Variants in ADGRV1 observed in about 807,000 individuals in gnomAD.
ADGRV1 encodes adhesion G protein-coupled receptor V1.
A neutral mutation model predicts 596.2 loss-of-function variants in ADGRV1; 359 were observed. The ratio of observed to expected loss-of-function variants is 0.60; its 90% CI spans 0.55 to 0.66. The LOEUF (loss-of-function observed/expected upper bound fraction) is 0.66, where lower values mean the gene tolerates loss of function less well. Among genes scored for constraint, ADGRV1 ranks in the 30% least tolerant of loss-of-function variants. ADGRV1 has a pLI of 0.00. For missense variants in ADGRV1, 7,274 were observed against 7,575.6 expected (o/e 0.96, Z 1.48); for synonymous variants, 2,681 against 2,679.2 (o/e 1.00, Z -0.02).
At chr5:90,924,763 T>G (rs1285462017) in intron 83 of ADGRV1, among the ~76,000 whole-genome samples, 6 of 151,970 alleles carry the variant, frequency 3.9e-5, no homozygotes, top group Non-Finnish European at 8.8e-5. Context: ...TTTATGGTTT[T>G]AGGTCTAACG....
At chr5:90,621,724 A>G (rs1265324520) in intron 4 of ADGRV1, among the ~76,000 whole-genome samples, 1 of 152,082 alleles carries the variant, frequency 6.6e-6, no homozygotes, top group Admixed American at 6.6e-5. Flanking sequence ...AGCCTCTGAC[A>G]TCCTTAAAAT....
At chr5:90,707,457 G>A (rs2176624) in intron 38 of ADGRV1, among the ~76,000 whole-genome samples, 109,804 of 152,032 alleles carry the variant, frequency 0.72, 40,568 homozygotes, top group African/African-American at 0.87. Flanking sequence ...TGCTTTTACA[G>A]AATTATAAGT....
chr5:90,973,516 C>G (rs1779256846), intron 84 of ADGRV1, among the ~76,000 whole-genome samples: 1 of 152,178 alleles, frequency 6.6e-6, no homozygotes, highest in African/African-American at 2.4e-5. Context: ...ATCAAGTGGA[C>G]TTCATCCCTG....
chr5:90,778,030 T>G lies in ADGRV1; in HGVS notation c.12653T>G (p.Ile4218Ser), dbSNP rs1348785690. The G allele has an allele frequency of 1.9e-6, 3 of 1,570,208 alleles. No individual in the cohort carries two copies. The highest frequency in any genetic ancestry group is 2.6e-6 in the Non-Finnish European group (3 of 1,155,994). ...ATGCGAGACGAACAGTCTGCAGTCA[T>G]TGTAGTAATACAGGTATCAATATTA... Reference protein sequence around the residue: ...LTMRDEQSAVIVVIQALNDDI... With the variant: ...LTMRDEQSAVSVVIQALNDDI... Residue 4218 changes from isoleucine to serine, a missense_variant, in exon 62 of 90, where the codon ATT (isoleucine) becomes AGT (serine). By Grantham distance (142) the Ile-to-Ser change is moderately radical. Transcript: ENST00000405460.
intron 87 of ADGRV1, among the ~76,000 whole-genome samples, chr5:91,107,689 T>C (rs910570480): frequency 1.3e-5 from 2 of 152,196 alleles, no homozygotes; most frequent in African/African-American, 4.8e-5. Context: ...TGTTGAAAGA[T>C]CATCAAGAAA....
intron 50 of ADGRV1, among the ~76,000 whole-genome samples, chr5:90,743,963 C>G (rs2149903664): frequency 6.8e-6 from 1 of 146,006 alleles, no homozygotes; most frequent in Non-Finnish European, 1.5e-5. Flanking sequence ...TTTTTTACTT[C>G]TTTTTTAGAA....
At chr5:90,719,869 A>G (rs187581040) in intron 43 of ADGRV1, among the ~76,000 whole-genome samples, 179 bp from the exon 44 acceptor site, 233 of 152,358 alleles carry the variant, frequency 1.5e-3, no homozygotes, top group African/African-American at 5.3e-3. Context: ...GAAAATCCTA[A>G]AAGTAGTAAC....
At chr5:91,088,292 T>C (rs1790063073) in intron 86 of ADGRV1, among the ~76,000 whole-genome samples, 3 of 152,138 alleles carry the variant, frequency 2.0e-5, no homozygotes, top group Admixed American at 2.0e-4. Flanking sequence ...CTCCCCATCT[T>C]TTTCCCCCAA....
chr5:90,865,396 C>G (rs1767995398), intron 83 of ADGRV1, among the ~76,000 whole-genome samples: 1 of 152,154 alleles, frequency 6.6e-6, no homozygotes, highest in Non-Finnish European at 1.5e-5. Context: ...TATAGAATTA[C>G]AGACAGCTCT....
At chr5:90,918,489 G>A (rs1773586727) in intron 83 of ADGRV1, among the ~76,000 whole-genome samples, 1 of 152,204 alleles carries the variant, frequency 6.6e-6, no homozygotes, top group South Asian at 2.1e-4. Flanking sequence ...GAGGTAGATA[G>A]CAAAGATTAG....
At chr5:90,604,766 A>G (rs992253716) in intron 1 of ADGRV1, among the ~76,000 whole-genome samples, 5 of 152,206 alleles carry the variant, frequency 3.3e-5, no homozygotes, top group Non-Finnish European at 7.3e-5. Flanking sequence ...TTATCTTACT[A>G]CTTGACAGAG....
chr5:90,754,156 T>A (rs1326072074), intron 54 of ADGRV1, among the ~76,000 whole-genome samples: 2 of 152,274 alleles, frequency 1.3e-5, no homozygotes, highest in East Asian at 1.9e-4. Flanking sequence ...TCAGCTATAT[T>A]TTCTATAGAT....
chr5:91,001,710 A>T (rs1333114765), intron 85 of ADGRV1, among the ~76,000 whole-genome samples: 1 of 152,114 alleles, frequency 6.6e-6, no homozygotes, highest in Non-Finnish European at 1.5e-5. Flanking sequence ...CTTTTTGTAT[A>T]TTTTTATTGC....
chr5:90,884,251 GCAAAAACTAAAAAT>G (rs1206169519), intron 83 of ADGRV1, among the ~76,000 whole-genome samples: 1 of 151,986 alleles, frequency 6.6e-6, no homozygotes, highest in Non-Finnish European at 1.5e-5. Context: ...AAAACATTTT[GCAAAAACTAAAAAT>G]GTCTCTAGAC....
chr5:91,074,982 TC>T (rs1228718273), intron 86 of ADGRV1, among the ~76,000 whole-genome samples: 1 of 152,236 alleles, frequency 6.6e-6, no homozygotes, highest in African/African-American at 2.4e-5. Flanking sequence ...ACATATGTCT[TC>T]TTTTGAAAAG....
intron 1 of ADGRV1, among the ~76,000 whole-genome samples, chr5:90,567,826 G>A (rs1167332372): frequency 1.3e-5 from 2 of 150,956 alleles, no homozygotes; most frequent in African/African-American, 2.4e-5. Flanking sequence ...TGCAACCTCC[G>A]CCTCCTGGGT....
chr5:90,735,417 G>A (rs988111225), intron 50 of ADGRV1, among the ~76,000 whole-genome samples: 4 of 152,146 alleles, frequency 2.6e-5, no homozygotes, highest in African/African-American at 7.2e-5. Flanking sequence ...GATCATAATT[G>A]CTTTATATTT....
chr5:90,708,437 CT>C (rs34939014), intron 38 of ADGRV1, among the ~76,000 whole-genome samples: 21,820 of 144,000 alleles, frequency 0.15, 2,170 homozygotes, highest in African/African-American at 0.29. Context: ...ACTGCAGAGC[CT>C]TTTTTTTTTT....
chr5:91,048,697 C>T (rs953691017), intron 85 of ADGRV1, among the ~76,000 whole-genome samples: 2 of 152,252 alleles, frequency 1.3e-5, no homozygotes, highest in Admixed American at 1.3e-4. Flanking sequence ...GTAAAGATAT[C>T]TAGCCTGTTC....
Sources: allele counts gnomAD v4.1 joint callset (sites outside exome capture counted in the v4.1 genomes callset), GRCh38; gene constraint gnomAD v4.1.1; transcripts MANE v1.5; gene names NCBI Gene and HGNC (gene_info 2026-07-23, HGNC 2026-07-21).